GPHN: variants seen among roughly 807,000 people sequenced by gnomAD.
GPHN encodes the protein gephyrin.
A neutral mutation model predicts 95.5 loss-of-function variants in GPHN; 17 were observed. The ratio of observed to expected loss-of-function variants is 0.18; its 90% CI spans 0.12 to 0.27. The LOEUF (loss-of-function observed/expected upper bound fraction) is 0.27, where lower values mean the gene tolerates loss of function less well. Ranked by LOEUF, GPHN falls within the 10% of genes least tolerant of loss-of-function variation. GPHN has a pLI of 1.00. For missense variants in GPHN, 660 were observed against 978.1 expected, an observed-to-expected ratio of 0.67 and a Z score of 4.34; for synonymous variants, 320 against 322.5, an observed-to-expected ratio of 0.99 and a Z score of 0.08.
intron 12 of GPHN, 115 bp from the exon 13 acceptor site, chr14:67,100,740 CT>C (rs2077653741): frequency 1.4e-6 from 1 of 739,892 alleles, no homozygotes; most frequent in Admixed American, 2.0e-5. Flanking sequence ...AAATATTCCA[CT>C]TCTCTAAGCC....
chr14:67,336,835 C>T, the GPHN span: 2 of 451,006 alleles, frequency 4.4e-6, no homozygotes, highest in South Asian at 3.1e-5. Flanking sequence ...TACACTGAAC[C>T]TAAGATTTTA....
chr14:67,573,608 G>T, the GPHN span, among the ~76,000 whole-genome samples: 3 of 152,188 alleles, frequency 2.0e-5, no homozygotes, highest in Non-Finnish European at 2.9e-5. The surrounding 1 kb of genome is among the most constrained non-coding windows in gnomAD (Gnocchi z 4.8). Flanking sequence ...TTCTCAGAAG[G>T]ACCCATGTTC....
At chr14:66,903,970 C>T (rs1034628198) in intron 5 of GPHN, among the ~76,000 whole-genome samples, 2 of 152,152 alleles carry the variant, frequency 1.3e-5, no homozygotes, top group Non-Finnish European at 2.9e-5. Flanking sequence ...CACATTTAGA[C>T]TCGTATTGTC....
At chr14:67,346,110 A>C in the GPHN span, among the ~76,000 whole-genome samples, 1 of 152,102 alleles carries the variant, frequency 6.6e-6, no homozygotes, top group African/African-American at 2.4e-5. Context: ...CTTTTAACCA[A>C]CCTTCACTTC....
At chr14:66,996,580 C>T (rs1361998181) in intron 9 of GPHN, among the ~76,000 whole-genome samples, 1 of 152,016 alleles carries the variant, frequency 6.6e-6, no homozygotes, top group Non-Finnish European at 1.5e-5. Flanking sequence ...GTTTGTATAT[C>T]TATATATGTC....
intron 1 of GPHN, among the ~76,000 whole-genome samples, chr14:66,662,204 T>C (rs2153376319): frequency 6.6e-6 from 1 of 152,270 alleles, no homozygotes; most frequent in Non-Finnish European, 1.5e-5. Flanking sequence ...GATCCCACTC[T>C]TCCTGACTGG....
At chr14:66,936,250 G>A (rs2067128838) in intron 8 of GPHN, among the ~76,000 whole-genome samples, 1 of 151,908 alleles carries the variant, frequency 6.6e-6, no homozygotes, top group Admixed American at 6.6e-5. Flanking sequence ...GTGGTGGCGG[G>A]CACCTGTAAT....
intron 1 of GPHN, among the ~76,000 whole-genome samples, chr14:66,553,220 A>G (rs1296927372): frequency 6.6e-6 from 1 of 151,980 alleles, no homozygotes; most frequent in Non-Finnish European, 1.5e-5. Flanking sequence ...CGAACTTTTG[A>G]CCTCAGGCAA....
At chr14:67,169,439 A>T (rs2082472735) in intron 21 of GPHN, among the ~76,000 whole-genome samples, 1 of 152,350 alleles carries the variant, frequency 6.6e-6, no homozygotes, top group South Asian at 2.1e-4. Flanking sequence ...TGTGACTTCA[A>T]CGATAAATTT....
At chr14:66,537,766 GA>G (rs1248854624) in intron 1 of GPHN, among the ~76,000 whole-genome samples, 1 of 152,062 alleles carries the variant, frequency 6.6e-6, no homozygotes, top group Non-Finnish European at 1.5e-5. Context: ...GCTTTTGTCT[GA>G]AATCCCTTTA....
At chr14:67,063,499 T>C (rs955558099) in intron 11 of GPHN, among the ~76,000 whole-genome samples, 31 of 152,234 alleles carry the variant, frequency 2.0e-4, no homozygotes, top group African/African-American at 7.5e-4. Context: ...GGGGTTGGCA[T>C]TGAATCTATA....
At chr14:66,805,822 G>C (rs1358429353) in intron 3 of GPHN, among the ~76,000 whole-genome samples, 1 of 152,140 alleles carries the variant, frequency 6.6e-6, no homozygotes, top group East Asian at 1.9e-4. Context: ...GCTTTCACGG[G>C]CTGGCATTGA....
At chr14:67,535,370 CTTTTTTTTT>C in the GPHN span, among the ~76,000 whole-genome samples, 9 of 74,228 alleles carry the variant, frequency 1.2e-4, no homozygotes, top group African/African-American at 5.4e-4. Flanking sequence ...GTGAGCACAT[CTTTTTTTTT>C]TTTTTTTTTT....
At chr14:66,904,170 C>T (rs571255223) in intron 5 of GPHN, among the ~76,000 whole-genome samples, 3 of 152,194 alleles carry the variant, frequency 2.0e-5, no homozygotes, top group Non-Finnish European at 2.9e-5. Flanking sequence ...AGTGTTACAG[C>T]TCTTAAAGGT....
the GPHN span, among the ~76,000 whole-genome samples, chr14:67,391,303 G>T: frequency 6.6e-6 from 1 of 150,762 alleles, no homozygotes; most frequent in Non-Finnish European, 1.5e-5. Flanking sequence ...GTGTGTGTGT[G>T]TGACTTTCTT....
At chr14:67,067,408 C>T (rs1012037551) in intron 11 of GPHN, among the ~76,000 whole-genome samples, 1 of 152,202 alleles carries the variant, frequency 6.6e-6, no homozygotes, top group Non-Finnish European at 1.5e-5. Context: ...ACACAGGGGT[C>T]AGGGACTCAC....
At chr14:67,536,843 C>G in the GPHN span, among the ~76,000 whole-genome samples, 1 of 151,806 alleles carries the variant, frequency 6.6e-6, no homozygotes, top group African/African-American at 2.4e-5. Flanking sequence ...AGGAGTTTGA[C>G]CAGACTGGCC....
intron 1 of GPHN, among the ~76,000 whole-genome samples, chr14:66,626,290 C>T (rs2063525144): frequency 6.6e-6 from 1 of 152,110 alleles, no homozygotes; most frequent in Non-Finnish European, 1.5e-5. Flanking sequence ...AAAAGTTATT[C>T]TGTTAATTCT....
Position 67,069,282 on chromosome 14 carries a change from C to G in GPHN, c.1144+10496C>G, listed in dbSNP as rs1193939272. Among the ~76,000 whole-genome samples, 6 of 152,278 alleles carry G rather than the reference C, an allele frequency of 3.9e-5. No individual in the cohort carries two copies. In the East Asian group the frequency reaches 9.7e-4, roughly 25 times the overall value. ...CAACTGCTTCCCTTTCCTCTACTCT[C>G]CTAACATGGGGATTCTAAGATCATA... is the stretch of plus-strand genomic sequence containing the variant. On this transcript the variant is annotated intron_variant, in intron 11 of 22. Transcript: ENST00000478722.
Sources: gnomAD v4.1 joint callset for allele counts (sites outside exome capture counted in the v4.1 genomes callset) on GRCh38, gnomAD v4.1.1 for gene constraint, Gnocchi (gnomAD v3.1) non-coding constraint, MANE v1.5 for transcripts, NCBI Gene and HGNC (gene_info 2026-07-23, HGNC 2026-07-21) for gene names.